KLHL29: variants seen among roughly 807,000 people sequenced by gnomAD.
KLHL29 encodes the protein kelch-like protein 29.
KLHL29 carries 21 observed loss-of-function variants against 80.4 expected under a neutral mutation model. That is an observed-to-expected ratio of 0.26 (90% CI 0.19 to 0.38). The LOEUF is 0.38. Ranked by LOEUF, KLHL29 falls within the 10% of genes least tolerant of loss-of-function variation. KLHL29 has a pLI of 1.00. For synonymous variants in KLHL29, 511 were observed against 526.8 expected, an observed-to-expected ratio of 0.97 and a Z score of 0.41; for missense variants, 867 against 1,223.9, an observed-to-expected ratio of 0.71 and a Z score of 4.35.
intron 11 of KLHL29, among the ~76,000 whole-genome samples, chr2:23,702,542 G>C (rs1672465217): frequency 6.6e-6 from 1 of 152,072 alleles, no homozygotes; most frequent in Non-Finnish European, 1.5e-5. Flanking sequence ...TGTTTTCCCT[G>C]TGCCCACTCA....
At chr2:23,704,100 A>G (rs991380326) in intron 13 of KLHL29, among the ~76,000 whole-genome samples, 1 of 152,204 alleles carries the variant, frequency 6.6e-6, no homozygotes, top group Non-Finnish European at 1.5e-5. Flanking sequence ...TCCAGCAGAA[A>G]TGAACCATTT....
chr2:23,606,704 C>T (rs1432692818), intron 3 of KLHL29, among the ~76,000 whole-genome samples: 2 of 152,108 alleles, frequency 1.3e-5, no homozygotes, highest in African/African-American at 4.8e-5. Context: ...AGAGGAGAGT[C>T]ATTTATGGGG....
intron 2 of KLHL29, among the ~76,000 whole-genome samples, chr2:23,493,286 G>T (rs995175825): frequency 1.3e-5 from 2 of 152,144 alleles, no homozygotes; most frequent in Non-Finnish European, 2.9e-5. Context: ...GGCCAGGCAG[G>T]CCAGGATGTT....
chr2:23,453,913 G>A (rs1263692044), intron 1 of KLHL29, among the ~76,000 whole-genome samples: 1 of 152,086 alleles, frequency 6.6e-6, no homozygotes, highest in Non-Finnish European at 1.5e-5. Flanking sequence ...GGAGGTTTTA[G>A]AACTGCATTT....
chr2:23,419,995 G>A (rs549429574), intron 1 of KLHL29, among the ~76,000 whole-genome samples: 8 of 152,284 alleles, frequency 5.3e-5, no homozygotes, highest in Admixed American at 3.3e-4. Context: ...AGATAAGGGC[G>A]TCCAGTGCTT....
At position 23,540,433 on chromosome 2, in the gene KLHL29, C is replaced by T. The variant is rs1466817304; in HGVS notation, c.-45-21719C>T. On this transcript the variant is annotated intron_variant, in intron 2 of 13. Coordinates refer to ENST00000486442, the MANE Select transcript of KLHL29 (RefSeq NM_052920.2). ...GTTTCCACCATTGCAGAAAATCGTA[C>T]TGGCTAGTGCTGGTCCACATTGTCC... Among the ~76,000 whole-genome samples, 7 of 152,242 alleles carry T rather than the reference C, an allele frequency of 4.6e-5. No individual in the cohort carries two copies. In the East Asian group the frequency reaches 1.3e-3, roughly 29 times the overall value.
intron 1 of KLHL29, among the ~76,000 whole-genome samples, chr2:23,413,743 A>G (rs978346510): frequency 6.6e-6 from 1 of 152,176 alleles, no homozygotes; most frequent in Non-Finnish European, 1.5e-5. Context: ...TAAGCTGTGC[A>G]TCTGTCCCCA....
intron 2 of KLHL29, among the ~76,000 whole-genome samples, chr2:23,494,673 A>C (rs764630003): frequency 2.0e-5 from 3 of 152,214 alleles, no homozygotes; most frequent in Non-Finnish European, 4.4e-5. Context: ...TGGCAATGGC[A>C]TGAGTGACCC....
chr2:23,534,242 T>A (rs1161452525), intron 2 of KLHL29, among the ~76,000 whole-genome samples: 1 of 152,202 alleles, frequency 6.6e-6, no homozygotes, highest in Non-Finnish European at 1.5e-5. Context: ...GGAAGTCACT[T>A]GGCCACATTG....
intron 1 of KLHL29, among the ~76,000 whole-genome samples, chr2:23,422,018 A>C (rs897294872): frequency 7.2e-6 from 1 of 138,528 alleles, no homozygotes; most frequent in Admixed American, 7.1e-5. Context: ...TCTGTGTGTC[A>C]TATGTCTTAT....
intron 5 of KLHL29, among the ~76,000 whole-genome samples, chr2:23,664,598 T>G (rs1670504211): frequency 6.6e-6 from 1 of 152,212 alleles, no homozygotes; most frequent in Non-Finnish European, 1.5e-5. Context: ...AGTCTTGGGT[T>G]TGTTTGCCAT....
chr2:23,525,772 C>T (rs923485670), intron 2 of KLHL29, among the ~76,000 whole-genome samples: 2 of 144,708 alleles, frequency 1.4e-5, no homozygotes, highest in African/African-American at 2.5e-5. Flanking sequence ...AGGGCCCACC[C>T]GCTATTTTTA....
intron 1 of KLHL29, among the ~76,000 whole-genome samples, chr2:23,417,353 A>G (rs978738732): frequency 1.3e-5 from 2 of 152,194 alleles, no homozygotes; most frequent in Non-Finnish European, 2.9e-5. Flanking sequence ...TGTGGCCATC[A>G]TGTGTGGCTG....
chr2:23,442,170 A>G (rs1266646308), intron 1 of KLHL29, among the ~76,000 whole-genome samples: 1 of 152,068 alleles, frequency 6.6e-6, no homozygotes, highest in African/African-American at 2.4e-5. Context: ...TGCAGTCTCT[A>G]TCTCCTACCT....
At chr2:23,636,933 C>A (rs1334804737) in intron 3 of KLHL29, among the ~76,000 whole-genome samples, 1 of 152,116 alleles carries the variant, frequency 6.6e-6, no homozygotes, top group Non-Finnish European at 1.5e-5. Flanking sequence ...AGCTTCCCTA[C>A]CCTGTCGAGT....
chr2:23,562,262 C>A lies in KLHL29; in HGVS notation c.66C>A (p.Ser22Arg). ...TGGGCTGGGACCGCCGCGAATGGAG[C>A]GTCAACGGGACGCATGGGACCACCA... ...YRVGWDRREW[S>R]VNGTHGTTSI... Residue 22 changes from serine (S) to arginine (R), a missense_variant, in exon 3 of 14, where the codon AGC becomes AGA. Transcript: ENST00000486442. The surrounding 1 kb of genome is among the most constrained non-coding windows in gnomAD (Gnocchi z 4.5). 6.5e-7 allele frequency: 1 copy of A among 1,549,964 alleles called. No individual in the cohort carries two copies. Among genetic ancestry groups the A allele is most frequent in the South Asian group, 1.2e-5 (1 of 83,934 alleles).
chr2:23,399,380 G>C (rs987980776), intron 1 of KLHL29, among the ~76,000 whole-genome samples: 5 of 152,162 alleles, frequency 3.3e-5, no homozygotes, highest in African/African-American at 1.2e-4. Flanking sequence ...GATTAAAATG[G>C]TAAATGTTAT....
At chr2:23,389,033 T>C (rs930586226) in intron 1 of KLHL29, among the ~76,000 whole-genome samples, 6 of 147,144 alleles carry the variant, frequency 4.1e-5, no homozygotes, top group African/African-American at 1.5e-4. Context: ...TGTTATGGCT[T>C]AGGCATTCTT....
chr2:23,503,163 C>T lies in KLHL29; in HGVS notation c.-46+27496C>T, dbSNP rs539364923. Among the ~76,000 whole-genome samples, 7 of 152,328 alleles carry T rather than the reference C, an allele frequency of 4.6e-5. No homozygotes were observed. Among genetic ancestry groups the T allele is most frequent in the South Asian group, 4.1e-4 (2 of 4,826 alleles). ...TAAGCAATTAAAATGCACAGGGCTA[C>T]GGCAAGGGCAGGCAGATCTGAGTGG... On this transcript the variant is annotated intron_variant, in intron 2 of 13. Coordinates refer to ENST00000486442, the MANE Select transcript of KLHL29 (RefSeq NM_052920.2). The surrounding 1 kb of genome is among the most constrained non-coding windows in gnomAD (Gnocchi z 4.0).
Sources: gnomAD v4.1 joint callset for allele counts (sites outside exome capture counted in the v4.1 genomes callset) on GRCh38, gnomAD v4.1.1 for gene constraint, Gnocchi (gnomAD v3.1) non-coding constraint, MANE v1.5 for transcripts, NCBI Gene and HGNC (gene_info 2026-07-23, HGNC 2026-07-21) for gene names.